The following ZNF512B variants were observed in gnomAD, a reference collection of about 807,000 sequenced individuals.
The protein encoded by ZNF512B is zinc finger protein 512B.
A neutral mutation model predicts 87.8 loss-of-function variants in ZNF512B; 22 were observed. The ratio of observed to expected loss-of-function variants is 0.25; its 90% CI spans 0.18 to 0.36. ZNF512B has a LOEUF of 0.36. Among genes scored for constraint, ZNF512B ranks in the 10% least tolerant of loss-of-function variants. ZNF512B has a pLI of 1.00. For synonymous variants in ZNF512B, 524 were observed against 490.9 expected, an observed-to-expected ratio of 1.07 and a Z score of -0.89; for missense variants, 1,060 against 1,231.6, an observed-to-expected ratio of 0.86 and a Z score of 2.09.
In ZNF512B at chr20:63,961,492, G is replaced by T; in HGVS notation, c.2329-85C>A. On this transcript the variant is annotated intron_variant, in intron 15 of 16. Transcript: ENST00000369888. This position sits in a 1 kb window ranked among gnomAD's most constrained non-coding sequence, Gnocchi z 6.4. Reference sequence around the variant, plus strand: ...CCCTACTCATGGCTAAAGGGTCAGAGTCAGCGGTGGCCCAAGGAAAGCTGT... The same window carrying T: ...CCCTACTCATGGCTAAAGGGTCAGATTCAGCGGTGGCCCAAGGAAAGCTGT... 1 of 1,303,914 alleles carries T rather than the reference G, an allele frequency of 7.7e-7. No homozygotes were observed. Among genetic ancestry groups the T allele is most frequent in the Non-Finnish European group, 1.1e-6 (1 of 916,942 alleles). The allele number at this position is 1,303,914 out of a possible 1,614,324, so 80.8% of individuals were successfully genotyped here.
chr20:63,967,925 C>G lies in ZNF512B; in HGVS notation c.26G>C (p.Gly9Ala), dbSNP rs1192460071. ...CTTGCTGGACCCCGGGAGCCGACGG[C>G]CTCCAACGCAGAAAGGATCCGTCAT... MTDPFCVG[G>A]RRLPGSSKSG... is the part of the protein sequence containing the mutation. Residue 9 changes from glycine (G) to alanine (A), a missense_variant, in exon 2 of 17, where the codon GGC (glycine) becomes GCC (alanine). Physicochemically the swap from Gly to Ala is moderately conservative, Grantham distance 60. Around this residue, in one of 9 missense-constraint regions of ZNF512B, gnomAD observed 134 missense variants for 153.6 expected, o/e 0.87. Transcript: ENST00000369888. The G allele has an allele frequency of 1.9e-6, 3 of 1,612,056 alleles. No individual in the cohort carries two copies. In the African/African-American group the frequency reaches 4.0e-5, roughly 22 times the overall value.
At chr20:63,962,564 C>T (rs1338605207) in intron 13 of ZNF512B, 23 bp downstream of exon 13, 2 of 1,597,000 alleles carry the variant, frequency 1.3e-6, no homozygotes, top group Admixed American at 1.7e-5. Context: ...GCGCTGTCCA[C>T]AGCCCTGGGG....
chr20:63,967,414 T>C lies in ZNF512B; in HGVS notation c.231A>G (p.Pro77=). The C allele has an allele frequency of 1.9e-6, 3 of 1,613,010 alleles. No individual in the cohort carries two copies. The stretch of plus-strand genomic sequence containing the variant: ...CTCGGAGGGCCTGGTTCTCGGCTTT[T>C]GGCCGCCCCTTTTTCTTCCCTTCTG... ...DKTEGKKKGR[P]KAENQALRDI... Residue 77 remains proline (P), a synonymous_variant, in exon 3 of 17, where the codon CCA becomes CCG. Coordinates refer to ENST00000369888, the MANE Select transcript of ZNF512B (RefSeq NM_020713.3).
At chr20:63,967,679 T>G in intron 2 of ZNF512B, 151 bp downstream of exon 2, 1 of 1,475,602 alleles carries the variant, frequency 6.8e-7, no homozygotes, top group Non-Finnish European at 9.0e-7. Flanking sequence ...CCCTGGGCTA[T>G]GTCCAAGGCA....
Position 63,961,343 on chromosome 20 carries a change from C to A in ZNF512B, c.2393G>T (p.Gly798Val). The change falls in exon 16 of 17, where the codon GGC (glycine) becomes GTC (valine). Residue 798 changes from glycine to valine, a missense_variant. Gly to Val is a moderately radical substitution (Grantham distance 109). This residue lies in a region of ZNF512B where 253 missense variants were observed against 259.2 expected (regional missense o/e 0.98). Transcript: ENST00000369888. The surrounding 1 kb of genome is among the most constrained non-coding windows in gnomAD (Gnocchi z 6.4). ...GGTCTTCAGGATGTGGTATTTGACG[C>A]CACTCTCAGAACTGAACTCCTTCGG... ...LCPKEFSSES[G>V]VKYHILKTHA... is the part of the protein sequence containing the mutation. 6.2e-7 allele frequency: 1 copy of A among 1,612,790 alleles called. No individual in the cohort carries two copies. The highest frequency in any genetic ancestry group is 8.5e-7 in the Non-Finnish European group (1 of 1,179,972).
At position 63,963,779 on chromosome 20, in the gene ZNF512B, G is replaced by A; in HGVS notation, c.1605+10C>T. The A allele has an allele frequency of 6.2e-7, 1 of 1,612,946 alleles. No homozygotes were observed. The highest frequency in any genetic ancestry group is 8.5e-7 in the Non-Finnish European group (1 of 1,179,942). Reference sequence around the variant, plus strand: ...GCCTCCCTCCCAGCGCCTTCCGGGAGCTGCCTTACCTTCTGACACACCTCC... The same window carrying A: ...GCCTCCCTCCCAGCGCCTTCCGGGAACTGCCTTACCTTCTGACACACCTCC... On this transcript the variant is annotated intron_variant, in intron 9 of 16. Coordinates refer to ENST00000369888, the MANE Select transcript of ZNF512B (RefSeq NM_020713.3).
chr20:63,964,225 C>T lies in ZNF512B; in HGVS notation c.1334-8G>A, dbSNP rs2058894459. ...CCTCAGCTTTGACCAGGCCTGTGTG[C>T]ACACATGGGGTGGAGAGAAACAGGG... On this transcript the variant is annotated splice_polypyrimidine_tract_variant and splice_region_variant and intron_variant, in intron 7 of 16. Coordinates refer to ENST00000369888, the MANE Select transcript of ZNF512B (RefSeq NM_020713.3). The T allele has an allele frequency of 6.2e-7, 1 of 1,605,928 alleles. No homozygotes were observed. Among genetic ancestry groups the T allele is most frequent in the African/African-American group, 1.3e-5 (1 of 74,444 alleles).
chr20:63,969,594 T>TG (rs921145546), intron 1 of ZNF512B, among the ~76,000 whole-genome samples: 7 of 88,914 alleles, frequency 7.9e-5, no homozygotes, highest in South Asian at 3.9e-4. Flanking sequence ...GGGCGCGGGG[T>TG]GGGGGGGCGA....
In ZNF512B at chr20:63,960,047, A is replaced by G; in HGVS notation, c.2520T>C (p.Gly840=). 1.2e-6 allele frequency: 2 copies of G among 1,613,692 alleles called. No homozygotes were observed. Among genetic ancestry groups the G allele is most frequent in the Non-Finnish European group, 1.7e-6 (2 of 1,179,960 alleles). Reference sequence around the variant, plus strand: ...TGGGCTTTCGGCCCCGCTTCTTTCCACCTGCCAGATTTTTCTTCTTTTCCT... The same window carrying G: ...TGGGCTTTCGGCCCCGCTTCTTTCCGCCTGCCAGATTTTTCTTCTTTTCCT... ...PKKEKKKNLA[G]GKKRGRKPKE... Residue 840 remains glycine (G), a synonymous_variant, in exon 17 of 17, where the codon GGT becomes GGC. Coordinates refer to ENST00000369888, the MANE Select transcript of ZNF512B (RefSeq NM_020713.3).
At chr20:63,960,889 G>C (rs559979888) in intron 16 of ZNF512B, among the ~76,000 whole-genome samples, 1 of 145,310 alleles carries the variant, frequency 6.9e-6, no homozygotes, top group African/African-American at 2.6e-5. Context: ...ACCTGCAGCA[G>C]GGGGCTGGAC....
rs1405553151 is a variant in ZNF512B at position 63,964,109 on chromosome 20, C to A, written c.1442G>T (p.Ser481Ile). The A allele has an allele frequency of 8.1e-6, 13 of 1,610,076 alleles. No homozygotes were observed. Among genetic ancestry groups the A allele is most frequent in the Non-Finnish European group, 1.1e-5 (13 of 1,179,136 alleles). ...KKVPAAPITV[S>I]KEAPAPVAHP... ...GGCCACAGGGGCCGGTGCCTCCTTG[C>A]TGACAGTGATGGGGGCAGCTGGCAC... is the stretch of plus-strand genomic sequence containing the variant. The change falls in exon 8 of 17, where the codon AGC becomes ATC. Residue 481 changes from serine to isoleucine, a missense_variant. By Grantham distance (142) the Ser-to-Ile change is moderately radical (BLOSUM62 -2). This residue lies in a region of ZNF512B where 212 missense variants were observed against 207.6 expected (regional missense o/e 1.02). Coordinates refer to ENST00000369888, the MANE Select transcript of ZNF512B (RefSeq NM_020713.3).
chr20:63,963,058 G>T, intron 12 of ZNF512B, 37 bp downstream of exon 12: 1 of 1,512,052 alleles, frequency 6.6e-7, no homozygotes, highest in Non-Finnish European at 8.8e-7. Flanking sequence ...CGGCACACAG[G>T]AACAAGCACT....
rs531866998 is a variant in ZNF512B at position 63,966,859 on chromosome 20, G to C, written c.393+17C>G. On this transcript the variant is annotated intron_variant, in intron 4 of 16. Coordinates refer to ENST00000369888, the MANE Select transcript of ZNF512B (RefSeq NM_020713.3). ...CACACCCCGAGGCCTCCTCTCCCCC[G>C]ACCCACAGTCCCTTACCCCTTGGCA... The C allele has an allele frequency of 6.2e-7, 1 of 1,613,598 alleles. No homozygotes were observed. The highest frequency in any genetic ancestry group is 8.5e-7 in the Non-Finnish European group (1 of 1,179,922).
Position 63,959,609 on chromosome 20 carries a change from A to G in ZNF512B, c.*279T>C. 2.2e-6 allele frequency: 1 copy of G among 455,058 alleles called. No individual in the cohort carries two copies. The highest frequency in any genetic ancestry group is 3.8e-6 in the Non-Finnish European group (1 of 260,454). 28.2% of individuals were successfully genotyped at this position (455,058 alleles called of 1,614,324 possible). On this transcript the variant is annotated 3_prime_UTR_variant, in exon 17 of 17. Transcript: ENST00000369888. ...CTGCGCTGCAGCCCCTGTGGCACCAAGACCCCAGACACATTCCCATGAGGA... is the reference window on the plus strand; with the variant it reads ...CTGCGCTGCAGCCCCTGTGGCACCAGGACCCCAGACACATTCCCATGAGGA...
At chr20:63,967,635 G>A in intron 2 of ZNF512B, 112 bp from the exon 3 acceptor site, 1 of 1,490,886 alleles carries the variant, frequency 6.7e-7, no homozygotes, top group African/African-American at 1.4e-5. Flanking sequence ...ACCGGGGGCA[G>A]GGGCTGCGGC....
chr20:63,967,085 C>G (rs2146897010), intron 3 of ZNF512B, 81 bp from the exon 4 acceptor site: 1 of 1,589,648 alleles, frequency 6.3e-7, no homozygotes, highest in Non-Finnish European at 8.5e-7. Flanking sequence ...CAGAGCCCCC[C>G]CGGGCCTGCA....
intron 3 of ZNF512B, 102 bp from the exon 4 acceptor site, chr20:63,967,106 AC>A: frequency 6.5e-7 from 1 of 1,531,382 alleles, no homozygotes; most frequent in Non-Finnish European, 8.8e-7. Flanking sequence ...GGGCACACAC[AC>A]CACATGAGCC....
chr20:63,964,189 T>C lies in ZNF512B; in HGVS notation c.1362A>G (p.Arg454=), dbSNP rs746225678. The C allele has an allele frequency of 2.5e-6, 4 of 1,599,428 alleles. No homozygotes were observed. Among genetic ancestry groups the C allele is most frequent in the Non-Finnish European group, 3.4e-6 (4 of 1,173,406 alleles). The change falls in exon 8 of 17, where the codon CGA becomes CGG. Residue 454 remains arginine (R), a synonymous_variant. Coordinates refer to ENST00000369888, the MANE Select transcript of ZNF512B (RefSeq NM_020713.3). ...KGLVKAEDKA[R]VHRSKKQEGP... ...CCTCCTGCTTCTTGGAGCGGTGAAC[T>C]CGGGCCTTGTCCTCAGCTTTGACCA... is the stretch of plus-strand genomic sequence containing the variant.
Position 63,966,725 on chromosome 20 carries a change from G to A in ZNF512B, c.450C>T (p.Thr150=), listed in dbSNP as rs1347519029. 5.6e-6 allele frequency: 9 copies of A among 1,607,060 alleles called. No homozygotes were observed. The highest frequency in any genetic ancestry group is 7.6e-6 in the Non-Finnish European group (9 of 1,176,952). The change falls in exon 5 of 17, where the codon ACC becomes ACT. Residue 150 remains threonine, a synonymous_variant. Transcript: ENST00000369888. ...FPCPFCEAAF[T]SKTQLEKHRI... ...GGTGTTTCTCCAGCTGGGTCTTAGA[G>A]GTGAATGCGGCCTCGCAGAAGGGGC...
Sources: gnomAD v4.1 joint callset for allele counts (sites outside exome capture counted in the v4.1 genomes callset) on GRCh38, gnomAD v4.1.1 for gene constraint, gnomAD v4.1.1 regional missense constraint, Gnocchi (gnomAD v3.1) non-coding constraint, MANE v1.5 for transcripts, NCBI Gene and HGNC (gene_info 2026-07-23, HGNC 2026-07-21) for gene names.